The following SLCO5A1 variants were observed in gnomAD, a reference collection of about 807,000 sequenced individuals.
The protein encoded by SLCO5A1 is solute carrier organic anion transporter family member 5A1, also known as organic anion transporter polypeptide-related protein 4.
Under a neutral mutation model 65.1 loss-of-function variants are expected in SLCO5A1, and 39 were observed. The observed-to-expected ratio is 0.60, with a 90% confidence interval of 0.46 to 0.78. The LOEUF (loss-of-function observed/expected upper bound fraction) is 0.78. Among genes scored for constraint, SLCO5A1 ranks in the 30% least tolerant of loss-of-function variants. The pLI, the probability that SLCO5A1 is intolerant of heterozygous loss-of-function variation, is 0.00. For missense variants in SLCO5A1, 1,029 were observed against 1,069.4 expected (o/e 0.96, Z 0.53); for synonymous variants, 438 against 415.7 (o/e 1.05, Z -0.65).
At chr8:69,707,373 C>T (rs924120140) in intron 5 of SLCO5A1, among the ~76,000 whole-genome samples, 2 of 152,082 alleles carry the variant, frequency 1.3e-5, no homozygotes, top group Non-Finnish European at 2.9e-5. Context: ...AATGGACCAG[C>T]ACAGAGAATA....
At chr8:69,828,261 CAT>C (rs1491188577) in intron 2 of SLCO5A1, among the ~76,000 whole-genome samples, 6 of 89,694 alleles carry the variant, frequency 6.7e-5, no homozygotes, top group African/African-American at 4.8e-4. Flanking sequence ...ACGCATTCAT[CAT>C]TTTTTTTTTT....
intron 2 of SLCO5A1, among the ~76,000 whole-genome samples, chr8:69,790,587 C>T (rs1031308352): frequency 6.6e-6 from 1 of 151,978 alleles, no homozygotes; most frequent in African/African-American, 2.4e-5. Flanking sequence ...CTGCAGTGAG[C>T]TATGCTTGTG....
At chr8:69,771,789 C>A (rs1436426029) in intron 2 of SLCO5A1, among the ~76,000 whole-genome samples, 1 of 152,202 alleles carries the variant, frequency 6.6e-6, no homozygotes, top group Non-Finnish European at 1.5e-5. Flanking sequence ...GACTCAAGCT[C>A]ACTTGGCACA....
At chr8:69,741,335 CT>C (rs1475842891) in intron 4 of SLCO5A1, among the ~76,000 whole-genome samples, 1 of 152,104 alleles carries the variant, frequency 6.6e-6, no homozygotes, top group African/African-American at 2.4e-5. Context: ...AATAAGGAGT[CT>C]TTAAACAGAA....
intron 2 of SLCO5A1, among the ~76,000 whole-genome samples, chr8:69,780,355 A>G (rs1216331762): frequency 6.6e-6 from 1 of 152,252 alleles, no homozygotes. Context: ...TTGCCTTCAC[A>G]CACTTATCAT....
At chr8:69,674,245 G>A (rs1813456169) in intron 9 of SLCO5A1, among the ~76,000 whole-genome samples, 1 of 152,066 alleles carries the variant, frequency 6.6e-6, no homozygotes, top group Non-Finnish European at 1.5e-5. Flanking sequence ...CAGGGGCCAC[G>A]CCTTTTATTC....
chr8:69,742,822 A>T (rs1816847802), intron 4 of SLCO5A1, among the ~76,000 whole-genome samples: 1 of 81,378 alleles, frequency 1.2e-5, no homozygotes, highest in African/African-American at 5.8e-5. Context: ...TTTTTTTGAG[A>T]CTGAGTCTCG....
intron 6 of SLCO5A1, 80 bp from the exon 7 acceptor site, chr8:69,682,423 G>T: frequency 7.6e-7 from 1 of 1,317,340 alleles, no homozygotes; most frequent in Non-Finnish European, 1.0e-6. Flanking sequence ...TTAATAATTT[G>T]TCCATTTTAG....
chr8:69,714,213 CT>C (rs67288542), intron 5 of SLCO5A1, among the ~76,000 whole-genome samples: 27,615 of 152,074 alleles, frequency 0.18, 2,567 homozygotes, highest in South Asian at 0.2. Context: ...TTTAAGGTAC[CT>C]TTTTCTTTGA....
intron 2 of SLCO5A1, among the ~76,000 whole-genome samples, chr8:69,822,307 T>A (rs1820680897): frequency 6.6e-6 from 1 of 152,180 alleles, no homozygotes; most frequent in South Asian, 2.1e-4. Context: ...GAGCTTTTAC[T>A]GTCTTATACT....
chr8:69,830,435 C>T (rs529514444), intron 2 of SLCO5A1, among the ~76,000 whole-genome samples: 1 of 152,288 alleles, frequency 6.6e-6, no homozygotes, highest in South Asian at 2.1e-4. Flanking sequence ...TCAAGCAATC[C>T]TCCTGCCTCA....
At position 69,834,917 on chromosome 8, in the gene SLCO5A1, G is replaced by C. The variant is rs1821363366; in HGVS notation, c.-560C>G. 6.5e-6 allele frequency: 1 copy of C among 152,780 alleles called. No individual in the cohort carries two copies. The highest frequency in any genetic ancestry group is 1.9e-4 in the East Asian group (1 of 5,212). 9.5% of individuals were successfully genotyped at this position (152,780 alleles called of 1,614,324 possible). The stretch of plus-strand genomic sequence containing the variant: ...CGGCGGGAGGGGGGCACTGAGCTAC[G>C]GGAATAGTTGGGAGCCGCGTGAGGA... On this transcript the variant is annotated 5_prime_UTR_variant, in exon 1 of 10. Transcript: ENST00000260126.
intron 2 of SLCO5A1, among the ~76,000 whole-genome samples, chr8:69,803,717 G>A (rs1819861893): frequency 6.6e-6 from 1 of 151,872 alleles, no homozygotes; most frequent in Admixed American, 6.5e-5. Context: ...GGCTGGGTGT[G>A]GTGCCTCACA....
chr8:69,822,856 G>T (rs374121646), intron 2 of SLCO5A1, among the ~76,000 whole-genome samples: 1 of 152,120 alleles, frequency 6.6e-6, no homozygotes, highest in African/African-American at 2.4e-5. Context: ...CCTCTTTTCC[G>T]GTGCTCTTTC....
chr8:69,792,682 A>G (rs1397371513), intron 2 of SLCO5A1, among the ~76,000 whole-genome samples: 2 of 152,170 alleles, frequency 1.3e-5, no homozygotes, highest in Non-Finnish European at 2.9e-5. Flanking sequence ...AGGAGAAAAG[A>G]TTCATAAGAC....
chr8:69,738,260 A>C (rs1816648268), intron 4 of SLCO5A1, 56 bp from the exon 5 acceptor site: 8 of 1,458,330 alleles, frequency 5.5e-6, no homozygotes, highest in Non-Finnish European at 7.4e-6. Context: ...GGAAAACAAA[A>C]TAAAACTGAA....
chr8:69,765,958 C>G (rs1313406947), intron 2 of SLCO5A1, among the ~76,000 whole-genome samples: 1 of 152,210 alleles, frequency 6.6e-6, no homozygotes, highest in East Asian at 1.9e-4. Context: ...CCCTCACACT[C>G]CATCATGCAT....
At chr8:69,735,015 T>C (rs890672670) in intron 5 of SLCO5A1, among the ~76,000 whole-genome samples, 1 of 152,070 alleles carries the variant, frequency 6.6e-6, no homozygotes, top group Admixed American at 6.6e-5. Flanking sequence ...GCAAAGGACA[T>C]GAACAGACAC....
At chr8:69,806,139 A>T (rs558892241) in intron 2 of SLCO5A1, among the ~76,000 whole-genome samples, 3 of 152,354 alleles carry the variant, frequency 2.0e-5, no homozygotes, top group Admixed American at 6.5e-5. Context: ...TATGATGTTC[A>T]CACATGTGTA....
Sources: gnomAD v4.1 joint callset for allele counts (sites outside exome capture counted in the v4.1 genomes callset) on GRCh38, gnomAD v4.1.1 for gene constraint, MANE v1.5 for transcripts, NCBI Gene and HGNC (gene_info 2026-07-23, HGNC 2026-07-21) for gene names.